ARHGEF26: variants seen among roughly 807,000 people sequenced by gnomAD.
ARHGEF26 encodes the protein Rho guanine nucleotide exchange factor (GEF) 26.
In ARHGEF26, 59 loss-of-function variants were observed where a neutral mutation model predicts 89.4. The ratio of observed to expected loss-of-function variants is 0.66; its 90% CI spans 0.54 to 0.82. The LOEUF (loss-of-function observed/expected upper bound fraction) is 0.82. Ranked by LOEUF, ARHGEF26 falls within the 40% of genes least tolerant of loss-of-function variation. The pLI, the probability that ARHGEF26 is intolerant of heterozygous loss-of-function variation, is 0.00. For missense variants in ARHGEF26, 1,234 were observed against 1,085.6 expected, an observed-to-expected ratio of 1.14 and a Z score of -1.92; for synonymous variants, 500 against 428.4, an observed-to-expected ratio of 1.17 and a Z score of -2.06.
chr3:154,126,151 C>A (rs1462408351), intron 3 of ARHGEF26, among the ~76,000 whole-genome samples: 1 of 152,182 alleles, frequency 6.6e-6, no homozygotes, highest in Non-Finnish European at 1.5e-5. Context: ...ATCTGCTTTA[C>A]ATAGCATGAC....
At chr3:154,154,114 T>A (rs1720186031) in intron 6 of ARHGEF26, among the ~76,000 whole-genome samples, 1 of 152,210 alleles carries the variant, frequency 6.6e-6, no homozygotes, top group Non-Finnish European at 1.5e-5. Context: ...TACATCCATC[T>A]ATTCATATAT....
At chr3:154,187,137 G>T in intron 6 of ARHGEF26, 1 of 648,264 alleles carries the variant, frequency 1.5e-6, no homozygotes, top group Non-Finnish European at 1.9e-6. Context: ...TAATCCACCC[G>T]CTTCGGCCTC....
In ARHGEF26 at chr3:154,124,446, G is replaced by A; in HGVS notation, c.1120G>A (p.Glu374Lys). 6.5e-7 allele frequency: 1 copy of A among 1,536,596 alleles called. No individual in the cohort carries two copies. Among genetic ancestry groups the A allele is most frequent in the African/African-American group, 1.4e-5 (1 of 69,814 alleles). The change falls in exon 3 of 15, where the codon GAA becomes AAA. Residue 374 changes from glutamate to lysine, a missense_variant. Physicochemically the swap from Glu to Lys is moderately conservative, Grantham distance 56 (BLOSUM62 1). Coordinates refer to ENST00000465093, the MANE Select transcript of ARHGEF26 (RefSeq NM_015595.4). Reference sequence around the variant, plus strand: ...GAAAGGACAAGGAACATTTGATGGGGAAGGTAAGCATTTAATTTTCCAAAC... The same window carrying A: ...GAAAGGACAAGGAACATTTGATGGGAAAGGTAAGCATTTAATTTTCCAAAC... Reference protein sequence around the residue: ...MLKGQGTFDGEENAVLYQNYK... With the variant: ...MLKGQGTFDGKENAVLYQNYK...
intron 9 of ARHGEF26, among the ~76,000 whole-genome samples, chr3:154,216,502 A>ATTTTT (rs1293834056): frequency 1.0e-4 from 5 of 49,112 alleles, no homozygotes; most frequent in Non-Finnish European, 1.6e-4. Flanking sequence ...ATTTTTTTTT[A>ATTTTT]TTTTTTATTT....
At chr3:154,140,907 G>C (rs779046058) in intron 4 of ARHGEF26, among the ~76,000 whole-genome samples, 1 of 151,474 alleles carries the variant, frequency 6.6e-6, no homozygotes, top group Non-Finnish European at 1.5e-5. Flanking sequence ...TTACACTTGA[G>C]CACTTGAGAC....
intron 6 of ARHGEF26, among the ~76,000 whole-genome samples, chr3:154,158,136 T>A (rs1711501391): frequency 6.6e-6 from 1 of 152,106 alleles, no homozygotes; most frequent in South Asian, 2.1e-4. Flanking sequence ...GCCTGAATTG[T>A]CCCACCCAAA....
chr3:154,171,666 G>A (rs1287962237), intron 6 of ARHGEF26, among the ~76,000 whole-genome samples: 1 of 152,148 alleles, frequency 6.6e-6, no homozygotes, highest in Non-Finnish European at 1.5e-5. Flanking sequence ...TGAGACATAA[G>A]AGGCACTATT....
intron 3 of ARHGEF26, 49 bp downstream of exon 3, chr3:154,124,498 C>G (rs754558355): frequency 6.8e-7 from 1 of 1,473,030 alleles, no homozygotes; most frequent in East Asian, 2.5e-5. Flanking sequence ...ATGTGGAATA[C>G]CAATTATAAG....
Position 154,122,427 on chromosome 3 carries a change from C to A in ARHGEF26, c.435C>A (p.Arg145=), listed in dbSNP as rs780634190. ...CGCCGCCGCCGCCGCCGGTTCTGCG[C>A]CCCCCGCGGACTCCTAACGCGCCCG... ...LPAPPPPPVL[R]PPRTPNAPAP... Residue 145 remains arginine, a synonymous_variant, in exon 2 of 15, where the codon CGC becomes CGA. Transcript: ENST00000465093. 1.2e-6 allele frequency: 2 copies of A among 1,610,930 alleles called. No homozygotes were observed. Among genetic ancestry groups the A allele is most frequent in the Non-Finnish European group, 1.7e-6 (2 of 1,179,004 alleles).
At chr3:154,193,899 ATCT>A (rs1274013097) in intron 8 of ARHGEF26, among the ~76,000 whole-genome samples, 5 of 151,024 alleles carry the variant, frequency 3.3e-5, no homozygotes, top group Non-Finnish European at 2.9e-5. Context: ...CAATGGTGCG[ATCT>A]CGGCTCGCTG....
intron 11 of ARHGEF26, among the ~76,000 whole-genome samples, chr3:154,238,931 G>A (rs928171884): frequency 2.0e-5 from 3 of 152,080 alleles, no homozygotes; most frequent in East Asian, 1.9e-4. Context: ...GGGGGGAGGC[G>A]GAAGGTTGTA....
chr3:154,216,478 G>GGT (rs1715730390), intron 9 of ARHGEF26, among the ~76,000 whole-genome samples: 4 of 37,694 alleles, frequency 1.1e-4, no homozygotes, highest in South Asian at 1.5e-3. Flanking sequence ...TTCAGCACTT[G>GGT]TTTTTTTTTT....
intron 6 of ARHGEF26, among the ~76,000 whole-genome samples, chr3:154,155,000 T>C (rs1163108043): frequency 6.6e-6 from 1 of 152,060 alleles, no homozygotes; most frequent in African/African-American, 2.4e-5. Flanking sequence ...AAATTCTTCT[T>C]CAAAGAAATT....
chr3:154,239,299 A>AGTGTGTGTGTGTGTGT (rs142191516), intron 11 of ARHGEF26, among the ~76,000 whole-genome samples: 1 of 64,256 alleles, frequency 1.6e-5, no homozygotes, highest in African/African-American at 6.1e-5. Flanking sequence ...AGAGAGAGAG[A>AGTGTGTGTGTGTGTGT]GTGTGTGTGT....
intron 9 of ARHGEF26, among the ~76,000 whole-genome samples, chr3:154,203,018 A>G (rs1225845770): frequency 6.6e-6 from 1 of 152,168 alleles, no homozygotes; most frequent in Non-Finnish European, 1.5e-5. Context: ...TGCCCTGGTC[A>G]GAACTTCCAG....
chr3:154,149,912 A>G (rs909513785), intron 5 of ARHGEF26, among the ~76,000 whole-genome samples: 2 of 149,756 alleles, frequency 1.3e-5, no homozygotes, highest in African/African-American at 4.9e-5. Context: ...ACCAAAATAA[A>G]AAGTTTATTT....
chr3:154,123,045 G>A lies in ARHGEF26; in HGVS notation c.1053G>A (p.Lys351=). 6.2e-7 allele frequency: 1 copy of A among 1,613,880 alleles called. No individual in the cohort carries two copies. Among genetic ancestry groups the A allele is most frequent in the Non-Finnish European group, 8.5e-7 (1 of 1,179,860 alleles). The change falls in exon 2 of 15, where the codon AAG becomes AAA. Residue 351 remains lysine, a synonymous_variant. Coordinates refer to ENST00000465093, the MANE Select transcript of ARHGEF26 (RefSeq NM_015595.4). ...QPVLKVVMED[K]EKFSSLGRIK... is the part of the protein sequence containing the mutation. ...TTCTGAAAGTGGTGATGGAAGACAAGGAGAAGTTTTCCAGTCTGGGAAGGA... is the reference window on the plus strand; with the variant it reads ...TTCTGAAAGTGGTGATGGAAGACAAAGAGAAGTTTTCCAGTCTGGGAAGGA...
intron 4 of ARHGEF26, among the ~76,000 whole-genome samples, chr3:154,131,176 A>G (rs1024549262): frequency 1.3e-5 from 2 of 152,170 alleles, no homozygotes; most frequent in Admixed American, 1.3e-4. Flanking sequence ...TGTAGGTGAT[A>G]GGGAGTGGTG....
At chr3:154,244,431 A>G (rs1233946221) in intron 12 of ARHGEF26, among the ~76,000 whole-genome samples, 1 of 152,176 alleles carries the variant, frequency 6.6e-6, no homozygotes, top group Non-Finnish European at 1.5e-5. Context: ...GCACTGAGCC[A>G]GCTATAGAAC....
Sources: allele counts gnomAD v4.1 joint callset (sites outside exome capture counted in the v4.1 genomes callset), GRCh38; gene constraint gnomAD v4.1.1; transcripts MANE v1.5; gene names NCBI Gene and HGNC (gene_info 2026-07-23, HGNC 2026-07-21).